PTPRK: variants seen among roughly 807,000 people sequenced by gnomAD.
PTPRK encodes the protein protein tyrosine phosphatase receptor type K.
Under a neutral mutation model 178.0 loss-of-function variants are expected in PTPRK, and 75 were observed. The observed-to-expected ratio is 0.42, with a 90% CI of 0.35 to 0.51. The LOEUF is 0.51. Ranked by LOEUF, PTPRK falls within the 20% of genes least tolerant of loss-of-function variation. The probability of loss-of-function intolerance (pLI) is 0.02; values close to 1 mark genes in which losing one functional copy is unlikely to be tolerated. For synonymous variants in PTPRK, 637 were observed against 620.6 expected (o/e 1.03, Z -0.39); for missense variants, 1,441 against 1,797.8 (o/e 0.80, Z 3.59).
chr6:128,191,675 T>TA (rs1237179521), intron 6 of PTPRK, among the ~76,000 whole-genome samples: 2 of 152,078 alleles, frequency 1.3e-5, no homozygotes, highest in African/African-American at 4.8e-5. Flanking sequence ...TTGTACAACT[T>TA]AAATATATTC....
At chr6:128,166,112 G>A (rs1408468692) in intron 7 of PTPRK, among the ~76,000 whole-genome samples, 1 of 151,506 alleles carries the variant, frequency 6.6e-6, no homozygotes, top group African/African-American at 2.4e-5. Flanking sequence ...TTTTCTCATA[G>A]CCTTAAGACA....
At chr6:128,428,576 T>C (rs758643739) in intron 1 of PTPRK, among the ~76,000 whole-genome samples, 1 of 152,184 alleles carries the variant, frequency 6.6e-6, no homozygotes, top group Non-Finnish European at 1.5e-5. Flanking sequence ...GGAAGAAATA[T>C]GTCAATGTGA....
intron 1 of PTPRK, among the ~76,000 whole-genome samples, chr6:128,494,239 C>T (rs557451304): frequency 5.4e-5 from 8 of 148,222 alleles, no homozygotes; most frequent in Non-Finnish European, 6.0e-5. Flanking sequence ...GTTACTTGAA[C>T]CTGCTAATTG....
At chr6:128,113,894 T>A (rs4364497) in intron 7 of PTPRK, among the ~76,000 whole-genome samples, 29,921 of 152,056 alleles carry the variant, frequency 0.2, 5,819 homozygotes, top group African/African-American at 0.48. Context: ...TATCCTTAAT[T>A]ACAGAATGTA....
At chr6:128,072,528 C>T (rs1783012303) in intron 11 of PTPRK, among the ~76,000 whole-genome samples, 1 of 151,952 alleles carries the variant, frequency 6.6e-6, no homozygotes. Flanking sequence ...AGGATAATAG[C>T]AACATTAAAA....
intron 3 of PTPRK, among the ~76,000 whole-genome samples, chr6:128,277,083 C>T (rs1342971949): frequency 2.0e-5 from 3 of 151,682 alleles, no homozygotes; most frequent in Non-Finnish European, 4.4e-5. Flanking sequence ...GAAGAATCTA[C>T]TCCTTATAGC....
intron 3 of PTPRK, among the ~76,000 whole-genome samples, chr6:128,294,013 G>C (rs1253982812): frequency 6.6e-6 from 1 of 152,010 alleles, no homozygotes; most frequent in Non-Finnish European, 1.5e-5. Context: ...AGCTGTAGAT[G>C]ATTCTTTTTT....
At chr6:128,135,171 T>C (rs1333251067) in intron 7 of PTPRK, among the ~76,000 whole-genome samples, 1 of 152,034 alleles carries the variant, frequency 6.6e-6, no homozygotes, top group Non-Finnish European at 1.5e-5. Context: ...CACCACATTT[T>C]GTTTTCTTCT....
intron 6 of PTPRK, among the ~76,000 whole-genome samples, chr6:128,213,287 A>G (rs1402393966): frequency 6.6e-6 from 1 of 151,832 alleles, no homozygotes; most frequent in Non-Finnish European, 1.5e-5. Context: ...ATGAGAGGAG[A>G]CTCCAAATGT....
At chr6:128,366,582 G>A (rs1182732625) in intron 2 of PTPRK, among the ~76,000 whole-genome samples, 3 of 152,038 alleles carry the variant, frequency 2.0e-5, no homozygotes, top group East Asian at 3.9e-4. Context: ...CATTTTTATG[G>A]CTGAGTAAAT....
At position 128,434,174 on chromosome 6, in the gene PTPRK, C is replaced by A. The variant is rs188251202; in HGVS notation, c.101-36486G>T. Among the ~76,000 whole-genome samples the A allele has an allele frequency of 2.4e-3, 362 of 152,110 alleles. 1 individual carries two copies. The highest frequency in any genetic ancestry group is 7.9e-3 in the African/African-American group (328 of 41,484). ...CCAAAATAGCCCAGGTGAATGCAAA[C>A]AAAAAGATTATCTTGTCTCTGGGAC... is the stretch of plus-strand genomic sequence containing the variant. On this transcript the variant is annotated intron_variant, in intron 1 of 29. Transcript: ENST00000368226.
intron 13 of PTPRK, among the ~76,000 whole-genome samples, chr6:128,053,568 G>A (rs1779410962): frequency 6.6e-6 from 1 of 152,056 alleles, no homozygotes. Context: ...CTACTGTGTT[G>A]ATGTTCTACT....
At chr6:128,086,295 A>G (rs1200020985) in intron 8 of PTPRK, among the ~76,000 whole-genome samples, 2 of 152,214 alleles carry the variant, frequency 1.3e-5, no homozygotes, top group Non-Finnish European at 2.9e-5. Flanking sequence ...TTTCAAAAAT[A>G]GCTTTGTAGT....
chr6:128,442,008 A>T (rs1846346250), intron 1 of PTPRK, among the ~76,000 whole-genome samples: 1 of 152,220 alleles, frequency 6.6e-6, no homozygotes, highest in African/African-American at 2.4e-5. Flanking sequence ...CCGATCTAGG[A>T]GTCATCAAAA....
At chr6:128,305,462 T>C (rs1327311083) in intron 3 of PTPRK, among the ~76,000 whole-genome samples, 1 of 152,198 alleles carries the variant, frequency 6.6e-6, no homozygotes, top group African/African-American at 2.4e-5. Context: ...AAAACAAGTC[T>C]ACTAGAATCT....
At chr6:128,009,454 T>C (rs534510363) in intron 13 of PTPRK, among the ~76,000 whole-genome samples, 186 bp from the exon 14 acceptor site, 1 of 151,162 alleles carries the variant, frequency 6.6e-6, no homozygotes, top group Non-Finnish European at 1.5e-5. Flanking sequence ...TAAGGAAATC[T>C]TTCTGACAAG....
chr6:127,972,919 T>G, intron 29 of PTPRK, 103 bp downstream of exon 29: 1 of 1,221,214 alleles, frequency 8.2e-7, no homozygotes, highest in Non-Finnish European at 1.2e-6. Context: ...ACGTCTCATT[T>G]TCACATCTGA....
chr6:128,337,853 A>G (rs896990421), intron 2 of PTPRK, among the ~76,000 whole-genome samples: 2 of 152,188 alleles, frequency 1.3e-5, no homozygotes, highest in African/African-American at 4.8e-5. Flanking sequence ...TGTGACCTGA[A>G]GAATGAAAGA....
intron 2 of PTPRK, among the ~76,000 whole-genome samples, chr6:128,386,937 G>A (rs1429339874): frequency 2.0e-5 from 3 of 152,156 alleles, no homozygotes; most frequent in African/African-American, 4.8e-5. Flanking sequence ...GCATGGTGGT[G>A]CATGCCTGTA....
Sources: allele counts gnomAD v4.1 joint callset (sites outside exome capture counted in the v4.1 genomes callset), GRCh38; gene constraint gnomAD v4.1.1; transcripts MANE v1.5; gene names NCBI Gene and HGNC (gene_info 2026-07-23, HGNC 2026-07-21).